CD70: variants seen among roughly 807,000 people sequenced by gnomAD.
CD70 encodes the protein CD70 antigen.
CD70 carries 6 observed loss-of-function variants against 9.0 expected under a neutral mutation model. That is an observed-to-expected ratio of 0.67 (90% confidence interval 0.37 to 1.32). The LOEUF (loss-of-function observed/expected upper bound fraction) is 1.32. CD70 is among the 40% of genes most tolerant of loss of function. The pLI, the probability that CD70 is intolerant of heterozygous loss-of-function variation, is 0.02. For synonymous variants in CD70, 108 were observed against 112.3 expected, an observed-to-expected ratio of 0.96 and a Z score of 0.24; for missense variants, 235 against 258.7, an observed-to-expected ratio of 0.91 and a Z score of 0.63.
At chr19:6,583,879 A>C (rs1599449028), downstream of CD70, among the ~76,000 whole-genome samples, 1 of 136,332 alleles carries the variant, frequency 7.3e-6, no homozygotes. Context: ...TGCAACCTCC[A>C]CCTCCGGGGT....
At chr19:6,589,266 T>C (rs986647279) in intron 2 of CD70, among the ~76,000 whole-genome samples, 6 of 111,106 alleles carry the variant, frequency 5.4e-5, no homozygotes, top group East Asian at 3.3e-4. Context: ...TTCTTTCTCT[T>C]ATTTCTTTTT....
downstream of CD70, chr19:6,583,242 C>A: frequency 3.4e-6 from 2 of 591,752 alleles, no homozygotes; most frequent in Non-Finnish European, 3.1e-6. Context: ...CTATTTTCCT[C>A]AACTGTTAAA....
intron 2 of CD70, among the ~76,000 whole-genome samples, chr19:6,587,659 G>A (rs1325045660): frequency 6.6e-6 from 1 of 152,032 alleles, no homozygotes; most frequent in African/African-American, 2.4e-5. Context: ...CGCTGGTTGA[G>A]TGTGTGTCTC....
intron 2 of CD70, among the ~76,000 whole-genome samples, chr19:6,587,121 A>C (rs569329670): frequency 5.2e-4 from 79 of 150,798 alleles, no homozygotes; most frequent in Middle Eastern, 6.8e-3. Context: ...AGAGTGCACG[A>C]GAGAGTGCGA....
chr19:6,588,685 C>G (rs980712564), intron 2 of CD70, among the ~76,000 whole-genome samples: 2 of 152,024 alleles, frequency 1.3e-5, no homozygotes, highest in African/African-American at 4.8e-5. Flanking sequence ...AAATGAAAAT[C>G]CCCAACCCTG....
At chr19:6,588,829 G>A (rs897486546) in intron 2 of CD70, among the ~76,000 whole-genome samples, 1 of 152,126 alleles carries the variant, frequency 6.6e-6, no homozygotes, top group African/African-American at 2.4e-5. Flanking sequence ...CTCCTCCTCG[G>A]TAGGAGTGAT....
Position 6,586,383 on chromosome 19 carries a change from T to G in CD70, c.219A>C (p.Leu73=). The G allele has an allele frequency of 6.2e-7, 1 of 1,610,798 alleles. No individual in the cohort carries two copies. Among genetic ancestry groups the G allele is most frequent in the African/African-American group, 1.3e-5 (1 of 74,956 alleles). ...CCAGTGCTGGGCCCCCCTGCCAGTATAGCCTGGGGTCCTGCTGAGGTCCTG... is the reference window on the plus strand; with the variant it reads ...CCAGTGCTGGGCCCCCCTGCCAGTAGAGCCTGGGGTCCTGCTGAGGTCCTG... The part of the protein sequence containing the change: ...NHTGPQQDPR[L]YWQGGPALGR... Residue 73 remains leucine, a synonymous_variant, in exon 3 of 3, where the codon CTA becomes CTC. Coordinates refer to ENST00000245903, the MANE Select transcript of CD70 (RefSeq NM_001252.5).
chr19:6,587,553 C>G (rs1049474234), intron 2 of CD70, among the ~76,000 whole-genome samples: 1 of 152,076 alleles, frequency 6.6e-6, no homozygotes, highest in African/African-American at 2.4e-5. Context: ...AGAGAGTGCA[C>G]GAGAGAATTC....
At chr19:6,585,812 T>G, downstream of CD70, 1 of 500,778 alleles carries the variant, frequency 2.0e-6, no homozygotes, top group Non-Finnish European at 3.5e-6. Flanking sequence ...GTAGCTGGGA[T>G]TACAGATGCA....
chr19:6,582,399 A>C (rs1915935424), downstream of CD70, among the ~76,000 whole-genome samples: 1 of 149,700 alleles, frequency 6.7e-6, no homozygotes, highest in South Asian at 2.1e-4. Flanking sequence ...GTACATGTGC[A>C]CAACGTGCAG....
downstream of CD70, among the ~76,000 whole-genome samples, chr19:6,585,328 C>A (rs887563811): frequency 2.5e-4 from 38 of 149,410 alleles, no homozygotes; most frequent in African/African-American, 9.3e-4. Context: ...CAAATAGATG[C>A]ACCAAGGAGA....
rs755994136 is a variant in CD70 at position 6,586,190 on chromosome 19, G to A, written c.412C>T (p.Arg138Cys). Residue 138 changes from arginine to cysteine, a missense_variant, in exon 3 of 3, where the codon CGT becomes TGT. By Grantham distance (180) the Arg-to-Cys change is radical. Transcript: ENST00000245903. ...LAVGICSPAS[R>C]SISLLRLSFH... ...CTGAGACGCAGCAGGCTGATGCTAC[G>A]GGAGGCGGGAGAGCAGATTCCCACG... is the stretch of plus-strand genomic sequence containing the variant. 17 of 1,614,154 alleles carry A rather than the reference G, an allele frequency of 1.1e-5. No homozygotes were observed. The highest frequency in any genetic ancestry group is 2.2e-5 in the East Asian group (1 of 44,874).
intron 2 of CD70, among the ~76,000 whole-genome samples, chr19:6,588,731 T>C (rs946084612): frequency 6.6e-6 from 1 of 152,040 alleles, no homozygotes; most frequent in African/African-American, 2.4e-5. Context: ...CCTTGCCTGA[T>C]TTTTTCTCTA....
At chr19:6,587,467 G>C (rs1240842569) in intron 2 of CD70, among the ~76,000 whole-genome samples, 1 of 149,882 alleles carries the variant, frequency 6.7e-6, no homozygotes, top group Admixed American at 6.7e-5. Context: ...AGAGTGCACG[G>C]GAGTGAGCGA....
At position 6,588,963 on chromosome 19, in the gene CD70, G is replaced by C. The variant is rs565193859; in HGVS notation, c.196+1140C>G. Reference sequence around the variant, plus strand: ...TTGTAGCATGAATGGAGGAAGGGTAGCCTTTCCTGTGAGCGTTTTCGTTTA... The same window carrying C: ...TTGTAGCATGAATGGAGGAAGGGTACCCTTTCCTGTGAGCGTTTTCGTTTA... On this transcript the variant is annotated intron_variant, in intron 2 of 2. Transcript: ENST00000245903. Among the ~76,000 whole-genome samples, 250 of 152,310 alleles carry C rather than the reference G, an allele frequency of 1.6e-3. 1 individual carries two copies. The highest frequency in any genetic ancestry group is 5.8e-3 in the African/African-American group (243 of 41,556).
At chr19:6,585,795 C>T (rs1228976251), downstream of CD70, 2 of 464,460 alleles carry the variant, frequency 4.3e-6, no homozygotes, top group Middle Eastern at 5.8e-4. Context: ...CTGCCTCAGT[C>T]GGCCGAGTAG....
Position 6,586,057 on chromosome 19 carries a change from T to G in CD70, c.545A>C (p.Asp182Ala). The G allele has an allele frequency of 6.2e-7, 1 of 1,613,894 alleles. No homozygotes were observed. The highest frequency in any genetic ancestry group is 8.5e-7 in the Non-Finnish European group (1 of 1,179,888). ...TGTLLPSRNT[D>A]ETFFGVQWVR... Reference sequence around the variant, plus strand: ...CCACTGCACTCCAAAGAAGGTCTCATCAGTGTTTCGGGAAGGCAAAAGTGT... The same window carrying G: ...CCACTGCACTCCAAAGAAGGTCTCAGCAGTGTTTCGGGAAGGCAAAAGTGT... The change falls in exon 3 of 3, where the codon GAT (aspartate) becomes GCT (alanine). Residue 182 changes from aspartate (D) to alanine (A), a missense_variant. Asp to Ala is a moderately radical substitution (Grantham distance 126). Transcript: ENST00000245903.
rs1568431155 is a variant in CD70, at chr19:6,586,167, G to A, written c.435C>T (p.Leu145=). The A allele has an allele frequency of 6.2e-7, 1 of 1,614,190 alleles. No individual in the cohort carries two copies. Among genetic ancestry groups the A allele is most frequent in the East Asian group, 2.2e-5 (1 of 44,870 alleles). Residue 145 remains leucine (L), a synonymous_variant, in exon 3 of 3, where the codon CTC becomes CTT. Transcript: ENST00000245903. ...PASRSISLLR[L]SFHQGCTIAS... is the part of the protein sequence containing the mutation. ...CAATGGTACAACCTTGGTGGAAGCT[G>A]AGACGCAGCAGGCTGATGCTACGGG... is the stretch of plus-strand genomic sequence containing the variant.
At chr19:6,589,760 T>G (rs970912787) in intron 2 of CD70, among the ~76,000 whole-genome samples, 2 of 151,640 alleles carry the variant, frequency 1.3e-5, no homozygotes, top group African/African-American at 2.4e-5. Context: ...TCCCTCTCTC[T>G]CGTTCTGTCT....
Sources: allele counts gnomAD v4.1 joint callset (sites outside exome capture counted in the v4.1 genomes callset), GRCh38; gene constraint gnomAD v4.1.1; transcripts MANE v1.5; gene names NCBI Gene and HGNC (gene_info 2026-07-23, HGNC 2026-07-21).